CDC42BPB: variants seen among roughly 807,000 people sequenced by gnomAD.
CDC42BPB encodes the protein serine/threonine-protein kinase MRCK beta.
A neutral mutation model predicts 214.9 loss-of-function variants in CDC42BPB; 37 were observed. The observed-to-expected ratio is 0.17, with a 90% CI of 0.13 to 0.23. The LOEUF (loss-of-function observed/expected upper bound fraction) is 0.23. Among genes scored for constraint, CDC42BPB ranks in the 10% least tolerant of loss-of-function variants. The pLI, the probability that CDC42BPB is intolerant of heterozygous loss-of-function variation, is 1.00. For missense variants in CDC42BPB, 1,694 were observed against 2,227.0 expected, an observed-to-expected ratio of 0.76 and a Z score of 4.82; for synonymous variants, 931 against 884.0, an observed-to-expected ratio of 1.05 and a Z score of -0.94.
intron 4 of CDC42BPB, among the ~76,000 whole-genome samples, chr14:103,000,275 C>G (rs1206699952): frequency 3.3e-5 from 5 of 152,232 alleles, no homozygotes; most frequent in Non-Finnish European, 7.3e-5. Context: ...AAAACATCTG[C>G]TAACAGGGCT....
intron 1 of CDC42BPB, among the ~76,000 whole-genome samples, chr14:103,015,547 G>T (rs766645114): frequency 1.3e-5 from 2 of 152,184 alleles, no homozygotes; most frequent in Admixed American, 1.3e-4. Context: ...AAGGAAAGCC[G>T]CATCACAGTA....
chr14:102,983,096 G>A (rs911550309), intron 7 of CDC42BPB, among the ~76,000 whole-genome samples: 1 of 152,180 alleles, frequency 6.6e-6, no homozygotes, highest in African/African-American at 2.4e-5. Flanking sequence ...TACAGGGACT[G>A]ATTTCTGGGG....
At chr14:102,998,069 A>G (rs2139587733) in intron 5 of CDC42BPB, among the ~76,000 whole-genome samples, 1 of 152,312 alleles carries the variant, frequency 6.6e-6, no homozygotes. Flanking sequence ...CAGAGGCTAT[A>G]GTGAGTGAAA....
chr14:102,934,958 C>T (rs985970158), intron 36 of CDC42BPB, among the ~76,000 whole-genome samples: 4 of 149,022 alleles, frequency 2.7e-5, no homozygotes, highest in East Asian at 2.0e-4. Context: ...TGCAGTGAGC[C>T]GAGATCGCAT....
At chr14:103,048,081 C>T (rs904822841) in intron 1 of CDC42BPB, among the ~76,000 whole-genome samples, 1 of 152,100 alleles carries the variant, frequency 6.6e-6, no homozygotes, top group Non-Finnish European at 1.5e-5. Context: ...AAAAGCACTC[C>T]AAGGAGGACT....
chr14:103,025,466 T>G, intron 1 of CDC42BPB, among the ~76,000 whole-genome samples: 1 of 144,718 alleles, frequency 6.9e-6, no homozygotes, highest in African/African-American at 2.6e-5. Flanking sequence ...CACAGAAGAG[T>G]GGATAACCTG....
chr14:103,022,455 G>C (rs1167235260), intron 1 of CDC42BPB, among the ~76,000 whole-genome samples: 1 of 152,148 alleles, frequency 6.6e-6, no homozygotes, highest in Non-Finnish European at 1.5e-5. Context: ...TCCACCTCCT[G>C]GGCTCAACGG....
rs138378220 is a variant in CDC42BPB, at chr14:103,005,841, G to A, written c.352-1818C>T. 4.9e-3 allele frequency among the ~76,000 whole-genome samples: 748 copies of A among 152,212 alleles called. 10 individuals carry two copies. Among genetic ancestry groups the A allele is most frequent in the African/African-American group, 0.017 (698 of 41,518 alleles). On this transcript the variant is annotated intron_variant, in intron 3 of 36. Transcript: ENST00000361246. ...TCAAGACCAGCTTGGCCAACATGGTGAAACCCCGTCTCTACTAAAAGTACA... is the reference window on the plus strand; with the variant it reads ...TCAAGACCAGCTTGGCCAACATGGTAAAACCCCGTCTCTACTAAAAGTACA...
At chr14:103,003,626 T>C (rs2139607912) in intron 4 of CDC42BPB, among the ~76,000 whole-genome samples, 1 of 152,304 alleles carries the variant, frequency 6.6e-6, no homozygotes. Flanking sequence ...TTCCTTATTC[T>C]CAATAATCCA....
intron 1 of CDC42BPB, among the ~76,000 whole-genome samples, chr14:103,046,523 G>A (rs1275203066): frequency 6.6e-6 from 1 of 152,200 alleles, no homozygotes; most frequent in Non-Finnish European, 1.5e-5. Context: ...GACAAGGTAG[G>A]AGGCAAAGGG....
Position 102,938,379 on chromosome 14 carries a change from C to A in CDC42BPB, c.4860G>T (p.Pro1620=), listed in dbSNP as rs34201193. The A allele has an allele frequency of 6.4e-7, 1 of 1,562,500 alleles. No individual in the cohort carries two copies. The highest frequency in any genetic ancestry group is 1.4e-5 in the African/African-American group (1 of 73,024). Residue 1620 remains proline, a synonymous_variant, in exon 35 of 37, where the codon CCG becomes CCT. Transcript: ENST00000361246. Reference sequence around the variant, plus strand: ...GAGCCAGGTTGGTGGGAGCGGGGCCCGGCCTTTCCTCCTGGGAGGGGGGCA... The same window carrying A: ...GAGCCAGGTTGGTGGGAGCGGGGCCAGGCCTTTCCTCCTGGGAGGGGGGCA... ...SAVPPSQEER[P]GPAPTNLARQ...
intron 19 of CDC42BPB, 78 bp downstream of exon 19, chr14:102,964,424 G>A: frequency 6.5e-7 from 1 of 1,536,030 alleles, no homozygotes; most frequent in Non-Finnish European, 8.8e-7. Flanking sequence ...AGGAGCATCG[G>A]AGCCCGTGAG....
chr14:102,956,641 G>C lies in CDC42BPB; in HGVS notation c.2902-1953C>G, dbSNP rs565412328. On this transcript the variant is annotated intron_variant, in intron 21 of 36. Coordinates refer to ENST00000361246, the MANE Select transcript of CDC42BPB (RefSeq NM_006035.4). Reference sequence around the variant, plus strand: ...GGTTAGGAGTTTGAGACCGGTCTGGGCAATATAGCAAGAATCCATCTCTAC... The same window carrying C: ...GGTTAGGAGTTTGAGACCGGTCTGGCCAATATAGCAAGAATCCATCTCTAC... Among the ~76,000 whole-genome samples, 16 of 152,192 alleles carry C rather than the reference G, an allele frequency of 1.1e-4. 1 individual carries two copies. In the South Asian group the frequency reaches 2.9e-3, roughly 28 times the overall value.
intron 1 of CDC42BPB, among the ~76,000 whole-genome samples, chr14:103,049,548 T>C (rs995282908): frequency 2.0e-5 from 3 of 152,236 alleles, no homozygotes; most frequent in South Asian, 2.1e-4. Context: ...CTGTGGGAAG[T>C]TGGAGCGCGG....
chr14:102,986,647 A>G (rs2139540764), intron 5 of CDC42BPB, 67 bp from the exon 6 acceptor site: 1 of 1,577,300 alleles, frequency 6.3e-7, no homozygotes, highest in East Asian at 2.3e-5. Flanking sequence ...CAAAGCCCTT[A>G]ACTAGTGGTG....
intron 1 of CDC42BPB, among the ~76,000 whole-genome samples, chr14:103,051,162 C>CGCGGGGGGGG (rs1888586270): frequency 2.2e-5 from 1 of 46,326 alleles, no homozygotes; most frequent in African/African-American, 9.3e-5. Flanking sequence ...GGCGGGGGGG[C>CGCGGGGGGGG]GGGAGATTAC....
chr14:102,983,174 T>A (rs1229489828), intron 7 of CDC42BPB, among the ~76,000 whole-genome samples: 1 of 152,160 alleles, frequency 6.6e-6, no homozygotes, highest in African/African-American at 2.4e-5. Flanking sequence ...AGGGCCCACC[T>A]GGACCTCCCC....
intron 1 of CDC42BPB, among the ~76,000 whole-genome samples, chr14:103,043,487 G>A (rs1233444604): frequency 1.3e-5 from 2 of 152,130 alleles, no homozygotes; most frequent in Admixed American, 6.6e-5. Context: ...TATAATGAAA[G>A]TAGATTTGTG....
At chr14:102,958,835 A>G (rs1566857957) in intron 21 of CDC42BPB, among the ~76,000 whole-genome samples, 1 of 151,400 alleles carries the variant, frequency 6.6e-6, no homozygotes, top group African/African-American at 2.4e-5. Flanking sequence ...TATTCGCTCT[A>G]GTGTGGGATT....
Sources: gnomAD v4.1 joint callset for allele counts (sites outside exome capture counted in the v4.1 genomes callset) on GRCh38, gnomAD v4.1.1 for gene constraint, MANE v1.5 for transcripts, NCBI Gene and HGNC (gene_info 2026-07-23, HGNC 2026-07-21) for gene names.